The following CA8 variants were observed in gnomAD, a reference collection of about 807,000 sequenced individuals.
CA8 encodes the protein carbonic anhydrase-related protein.
In CA8, 22 loss-of-function variants were observed where a neutral mutation model predicts 41.4. The ratio of observed to expected loss-of-function variants is 0.53; its 90% CI spans 0.38 to 0.76. The LOEUF is 0.76. Ranked by LOEUF, CA8 falls within the 30% of genes least tolerant of loss-of-function variation. The probability of loss-of-function intolerance (pLI) is 0.00; values close to 1 mark genes in which losing one functional copy is unlikely to be tolerated. For missense variants in CA8, 270 were observed against 352.8 expected, an observed-to-expected ratio of 0.77 and a Z score of 1.88; for synonymous variants, 121 against 130.6, an observed-to-expected ratio of 0.93 and a Z score of 0.50.
chr8:60,203,638 G>A (rs931641607), intron 8 of CA8, among the ~76,000 whole-genome samples: 1 of 152,010 alleles, frequency 6.6e-6, no homozygotes, highest in Non-Finnish European at 1.5e-5. Flanking sequence ...AAGAGGTACA[G>A]AAAATATTAA....
chr8:60,233,273 CA>C (rs1807721047), intron 3 of CA8, among the ~76,000 whole-genome samples: 1 of 152,190 alleles, frequency 6.6e-6, no homozygotes. Flanking sequence ...CACCAAAAGA[CA>C]TAGCTAAAAT....
chr8:60,208,378 A>G, intron 8 of CA8: 1 of 269,860 alleles, frequency 3.7e-6, no homozygotes, highest in Non-Finnish European at 7.2e-6. Context: ...GTCCCCTCCT[A>G]TGTGCTCCTT....
chr8:60,261,381 G>A (rs1369103422), intron 3 of CA8, among the ~76,000 whole-genome samples: 1 of 152,004 alleles, frequency 6.6e-6, no homozygotes, highest in Non-Finnish European at 1.5e-5. Context: ...GAAAGATAAG[G>A]GTCCAACATA....
At chr8:60,270,213 A>G (rs906295313) in intron 2 of CA8, among the ~76,000 whole-genome samples, 3 of 152,232 alleles carry the variant, frequency 2.0e-5, no homozygotes, top group African/African-American at 7.2e-5. Context: ...GTATCTGCAC[A>G]GATGACAGAA....
At chr8:60,222,327 A>G (rs1479412366) in intron 7 of CA8, among the ~76,000 whole-genome samples, 1 of 143,798 alleles carries the variant, frequency 7.0e-6, no homozygotes, top group Non-Finnish European at 1.6e-5. Flanking sequence ...CGGCATCCCC[A>G]CTTTACGTCC....
At position 60,281,360 on chromosome 8, in the gene CA8, C is replaced by T; in HGVS notation, c.-213G>A. 1.8e-6 allele frequency: 1 copy of T among 568,628 alleles called. No individual in the cohort carries two copies. Among genetic ancestry groups the T allele is most frequent in the Non-Finnish European group, 3.1e-6 (1 of 318,814 alleles). 35.2% of individuals were successfully genotyped at this position (568,628 alleles called of 1,614,324 possible). On this transcript the variant is annotated 5_prime_UTR_variant, in exon 1 of 9. Coordinates refer to ENST00000317995, the MANE Select transcript of CA8 (RefSeq NM_004056.6). ...GTTCCAGAGACCCGCGTGGGAAGCG[C>T]GTCCGGAGGCCCCAGCAGAGCGAGG...
At chr8:60,221,589 G>A (rs913118110) in intron 7 of CA8, among the ~76,000 whole-genome samples, 23 of 152,238 alleles carry the variant, frequency 1.5e-4, no homozygotes, top group African/African-American at 5.1e-4. Flanking sequence ...GTGGAGAACA[G>A]TCTCTTATAA....
chr8:60,254,641 G>C (rs1367515292), intron 3 of CA8, among the ~76,000 whole-genome samples: 1 of 152,234 alleles, frequency 6.6e-6, no homozygotes, highest in Non-Finnish European at 1.5e-5. Context: ...AAGAGGATTA[G>C]TGAGTTAAGC....
At chr8:60,214,249 T>G (rs1473895191) in intron 7 of CA8, among the ~76,000 whole-genome samples, 1 of 152,232 alleles carries the variant, frequency 6.6e-6, no homozygotes, top group Non-Finnish European at 1.5e-5. Context: ...TTCGTCCTCA[T>G]GTAGCAGAAG....
At chr8:60,217,988 C>T (rs893635992) in intron 7 of CA8, among the ~76,000 whole-genome samples, 2 of 152,232 alleles carry the variant, frequency 1.3e-5, no homozygotes, top group African/African-American at 2.4e-5. Context: ...CAGGAGAAAA[C>T]CCAACCTCCA....
intron 8 of CA8, among the ~76,000 whole-genome samples, chr8:60,190,991 T>C (rs1806112821): frequency 8.6e-6 from 1 of 116,698 alleles, no homozygotes; most frequent in South Asian, 2.9e-4. Flanking sequence ...CATACATATA[T>C]AAACATAGAT....
intron 2 of CA8, among the ~76,000 whole-genome samples, chr8:60,277,342 G>GA (rs1804273148): frequency 2.0e-5 from 3 of 151,930 alleles, no homozygotes; most frequent in Admixed American, 2.0e-4. Context: ...ACCACAGGCA[G>GA]AAAGAGTATT....
At chr8:60,220,437 A>C (rs1427825480) in intron 7 of CA8, among the ~76,000 whole-genome samples, 1 of 152,196 alleles carries the variant, frequency 6.6e-6, no homozygotes, top group African/African-American at 2.4e-5. Context: ...GGAAGCCAGA[A>C]GTTCAGAACT....
intron 8 of CA8, among the ~76,000 whole-genome samples, chr8:60,203,737 T>C (rs1806498092): frequency 6.6e-6 from 1 of 152,164 alleles, no homozygotes; most frequent in African/African-American, 2.4e-5. Flanking sequence ...CTGCACTTGT[T>C]TTTTTAGCAT....
At chr8:60,253,241 A>C (rs981616601) in intron 3 of CA8, among the ~76,000 whole-genome samples, 1 of 152,170 alleles carries the variant, frequency 6.6e-6, no homozygotes, top group African/African-American at 2.4e-5. Flanking sequence ...TCTCAAAAAA[A>C]TAAATAAAAA....
intron 2 of CA8, among the ~76,000 whole-genome samples, chr8:60,276,430 T>TA (rs762014575): frequency 2.1e-4 from 32 of 152,178 alleles, no homozygotes; most frequent in Non-Finnish European, 4.4e-4. Flanking sequence ...CGTCATATGT[T>TA]AGAGAGTTTG....
At chr8:60,250,001 A>G (rs1393895237) in intron 3 of CA8, among the ~76,000 whole-genome samples, 1 of 152,214 alleles carries the variant, frequency 6.6e-6, no homozygotes, top group Non-Finnish European at 1.5e-5. Flanking sequence ...TAGCATCAGA[A>G]ATATAATATC....
Position 60,268,865 on chromosome 8 carries a change from C to T in CA8, c.293-2816G>A, listed in dbSNP as rs141531179. On this transcript the variant is annotated intron_variant, in intron 2 of 8. Coordinates refer to ENST00000317995, the MANE Select transcript of CA8 (RefSeq NM_004056.6). ...AACTGTCATGTCATGACAGTCAATA[C>T]AATTACAATAAAGTAATTATATTCT... 4.6e-3 allele frequency among the ~76,000 whole-genome samples: 693 copies of T among 152,176 alleles called. 5 individuals are homozygous for T. Among genetic ancestry groups the T allele is most frequent in the African/African-American group, 0.016 (654 of 41,506 alleles).
chr8:60,276,329 A>G (rs13269948), intron 2 of CA8, among the ~76,000 whole-genome samples: 91,735 of 151,932 alleles, frequency 0.6, 28,756 homozygotes, highest in African/African-American at 0.79. Context: ...AGAGCAGAAA[A>G]GAAAAGCAGC....
Sources: allele counts gnomAD v4.1 joint callset (sites outside exome capture counted in the v4.1 genomes callset), GRCh38; gene constraint gnomAD v4.1.1; transcripts MANE v1.5; gene names NCBI Gene and HGNC (gene_info 2026-07-23, HGNC 2026-07-21).